The following TTC23L variants were observed in gnomAD, a reference collection of about 807,000 sequenced individuals.
TTC23L encodes tetratricopeptide repeat domain 23 like, also known as tetratricopeptide repeat protein 23-like.
TTC23L carries 42 observed loss-of-function variants against 48.1 expected under a neutral mutation model. The ratio of observed to expected loss-of-function variants is 0.87; its 90% CI spans 0.68 to 1.13. TTC23L has a LOEUF of 1.13. Among genes scored for constraint, TTC23L ranks in the 50% most tolerant of loss-of-function variants. The probability of loss-of-function intolerance (pLI) is 0.00; values close to 1 mark genes in which losing one functional copy is unlikely to be tolerated. For missense variants in TTC23L, 391 were observed against 421.0 expected (o/e 0.93, Z 0.62); for synonymous variants, 159 against 157.2 (o/e 1.01, Z -0.09).
the TTC23L span, chr5:34,922,813 C>T: frequency 6.5e-7 from 1 of 1,546,128 alleles, no homozygotes. Context: ...TCTTATCTGG[C>T]ATGGTTGTTT....
the TTC23L span, chr5:34,911,507 G>C: frequency 1.3e-6 from 2 of 1,581,036 alleles, no homozygotes; most frequent in African/African-American, 1.4e-5. Flanking sequence ...TAAGTGGGAA[G>C]ATGGAGTACA....
chr5:34,914,106 T>C, the TTC23L span: 1 of 416,800 alleles, frequency 2.4e-6, no homozygotes, highest in African/African-American at 2.0e-5. Context: ...TAAAAAACGC[T>C]TAGTTGAACT....
chr5:34,904,572 A>G, the TTC23L span, among the ~76,000 whole-genome samples: 1 of 151,634 alleles, frequency 6.6e-6, no homozygotes, highest in South Asian at 2.1e-4. Context: ...CCAGCCTGGC[A>G]ACAGAGTGGG....
chr5:34,860,721 TTTTA>T (rs1192020844), intron 4 of TTC23L: 1 of 152,194 alleles, frequency 6.6e-6, no homozygotes. Context: ...TCTGGATCAC[TTTTA>T]TTTATTTTTA....
chr5:34,886,567 C>T (rs1229260776), intron 9 of TTC23L, among the ~76,000 whole-genome samples: 4 of 152,162 alleles, frequency 2.6e-5, no homozygotes, highest in East Asian at 1.9e-4. Context: ...TGGCTGGTTT[C>T]GTTACATTTT....
At chr5:34,889,854 T>G (rs1195699832) in intron 9 of TTC23L, among the ~76,000 whole-genome samples, 1 of 151,994 alleles carries the variant, frequency 6.6e-6, no homozygotes, top group East Asian at 1.9e-4. Flanking sequence ...GTTTTTGTTT[T>G]TTTGAGACAG....
chr5:34,885,685 C>CTACA (rs750518749), intron 9 of TTC23L, among the ~76,000 whole-genome samples: 62 of 151,698 alleles, frequency 4.1e-4, no homozygotes, highest in Admixed American at 2.6e-3. Flanking sequence ...GAGGTCAAGG[C>CTACA]TACATGAGCC....
At chr5:34,914,359 C>T in the TTC23L span, 4 of 312,842 alleles carry the variant, frequency 1.3e-5, no homozygotes, top group East Asian at 8.0e-5. Context: ...AATAACAGAA[C>T]CTACCTTACA....
chr5:34,921,167 A>G, the TTC23L span: 5 of 152,188 alleles, frequency 3.3e-5, no homozygotes, highest in African/African-American at 9.7e-5. Flanking sequence ...AAAGTCTTAA[A>G]TAATGTGGAG....
At chr5:34,876,782 G>T (rs1391829516) in intron 8 of TTC23L, among the ~76,000 whole-genome samples, 2 of 150,848 alleles carry the variant, frequency 1.3e-5, no homozygotes, top group Non-Finnish European at 2.9e-5. Flanking sequence ...GAAAACTATA[G>T]ATCAGTGAGA....
At chr5:34,911,475 T>G in the TTC23L span, 3 of 1,507,248 alleles carry the variant, frequency 2.0e-6, no homozygotes, top group Non-Finnish European at 2.7e-6. Context: ...ATAATAAAAA[T>G]TTTGCATCCT....
chr5:34,855,183 T>TG (rs1760023699), intron 4 of TTC23L, among the ~76,000 whole-genome samples: 1 of 70,766 alleles, frequency 1.4e-5, no homozygotes. Context: ...CAGGCTAAGG[T>TG]TAGGACTGGT....
chr5:34,918,248 G>C, the TTC23L span: 1 of 527,970 alleles, frequency 1.9e-6, no homozygotes, highest in Non-Finnish European at 3.4e-6. Flanking sequence ...CCAGGAACTT[G>C]AAACTGCAGT....
chr5:34,908,973 G>C, the TTC23L span: 1 of 1,574,016 alleles, frequency 6.4e-7, no homozygotes, highest in Non-Finnish European at 8.6e-7. Flanking sequence ...ATAAAACGCT[G>C]TTATATCAAC....
At chr5:34,909,156 T>A in the TTC23L span, 1 of 988,290 alleles carries the variant, frequency 1.0e-6, no homozygotes, top group Non-Finnish European at 1.5e-6. Context: ...TATAAAATGC[T>A]GTGCATTTTA....
chr5:34,885,865 TAAG>T (rs1431332605), intron 9 of TTC23L, among the ~76,000 whole-genome samples: 3 of 152,214 alleles, frequency 2.0e-5, no homozygotes, highest in Non-Finnish European at 4.4e-5. Context: ...CATTACTTTT[TAAG>T]AAGAGAAAAA....
At position 34,866,880 on chromosome 5, in the gene TTC23L, C is replaced by T. The variant is rs1394391615; in HGVS notation, c.663-12C>T. 1.3e-6 allele frequency: 2 copies of T among 1,570,816 alleles called. No homozygotes were observed. Among genetic ancestry groups the T allele is most frequent in the Non-Finnish European group, 1.7e-6 (2 of 1,153,180 alleles). ...TCTCTGTGACTTTCTATTTTCATCC[C>T]TTTTCTTGCAGAGCCTCCTTGGCCA... On this transcript the variant is annotated splice_polypyrimidine_tract_variant and intron_variant, in intron 6 of 10. Coordinates refer to ENST00000505624, the Ensembl canonical transcript of TTC23L.
chr5:34,846,920 T>C (rs1335444083), intron 3 of TTC23L, among the ~76,000 whole-genome samples: 1 of 151,980 alleles, frequency 6.6e-6, no homozygotes, highest in Non-Finnish European at 1.5e-5. Context: ...CAAATATGCA[T>C]TTCTAAGAGC....
intron 8 of TTC23L, among the ~76,000 whole-genome samples, chr5:34,870,975 T>C (rs1330258436): frequency 6.6e-6 from 1 of 152,180 alleles, no homozygotes; most frequent in African/African-American, 2.4e-5. Flanking sequence ...AAAAGGCATA[T>C]ACCAAAAACC....
Sources: gnomAD v4.1 joint callset for allele counts (sites outside exome capture counted in the v4.1 genomes callset) on GRCh38, gnomAD v4.1.1 for gene constraint, MANE v1.5 for transcripts, NCBI Gene and HGNC (gene_info 2026-07-23, HGNC 2026-07-21) for gene names.